Variants in CHAF1B observed in about 807,000 individuals in gnomAD.
CHAF1B encodes chromatin assembly factor 1 subunit B, also known as CAF-1 subunit B.
In CHAF1B, 10 loss-of-function variants were observed where a neutral mutation model predicts 60.7. The ratio of observed to expected loss-of-function variants is 0.16; its 90% CI spans 0.10 to 0.28. The LOEUF (loss-of-function observed/expected upper bound fraction) is 0.28. CHAF1B is among the 10% of genes least tolerant of loss of function. CHAF1B has a pLI of 1.00. For missense variants in CHAF1B, 558 were observed against 708.4 expected, an observed-to-expected ratio of 0.79 and a Z score of 2.41; for synonymous variants, 261 against 266.1, an observed-to-expected ratio of 0.98 and a Z score of 0.19.
At chr21:36,407,716 G>C (rs995365341) in intron 8 of CHAF1B, among the ~76,000 whole-genome samples, 7 of 152,210 alleles carry the variant, frequency 4.6e-5, no homozygotes, top group Admixed American at 6.5e-5. Flanking sequence ...AGTGACTCAC[G>C]CCTGTAATCC....
At chr21:36,408,068 A>T (rs1270775694) in intron 8 of CHAF1B, among the ~76,000 whole-genome samples, 1 of 152,216 alleles carries the variant, frequency 6.6e-6, no homozygotes, top group East Asian at 1.9e-4. Flanking sequence ...TCCCTGGTGG[A>T]TATGAAACAG....
At chr21:36,407,004 A>G (rs1022311615) in intron 8 of CHAF1B, among the ~76,000 whole-genome samples, 2 of 152,194 alleles carry the variant, frequency 1.3e-5, no homozygotes, top group Non-Finnish European at 2.9e-5. Flanking sequence ...AGAAGACCCA[A>G]TTAAGACTGG....
intron 3 of CHAF1B, chr21:36,388,783 C>G (rs1286425604): frequency 6.6e-6 from 1 of 152,088 alleles, no homozygotes; most frequent in Non-Finnish European, 1.5e-5. Context: ...GGCATGAATT[C>G]TAAACTGGGA....
At chr21:36,389,800 T>TGTGTGTGCGCGCGCGCGCGCGCGCGCGC in intron 3 of CHAF1B, among the ~76,000 whole-genome samples, 4 of 124,746 alleles carry the variant, frequency 3.2e-5, no homozygotes, top group African/African-American at 1.4e-4. Flanking sequence ...TGTGTGTGTG[T>TGTGTGTGCGCGCGCGCGCGCGCGCGCGC]GCGCGCGCAC....
chr21:36,387,873 C>A, intron 3 of CHAF1B, 143 bp downstream of exon 3: 1 of 1,048,360 alleles, frequency 9.5e-7, no homozygotes, highest in East Asian at 2.4e-5. Flanking sequence ...GGCTGGAGTG[C>A]AGTGGTGCAA....
Position 36,387,979 on chromosome 21 carries a change from C to T in CHAF1B, c.259+249C>T, listed in dbSNP as rs565998800. On this transcript the variant is annotated intron_variant, in intron 3 of 13. Transcript: ENST00000314103. ...GATTACAGGCGCCTGCCACCACGCCCGGCTAGTTTTTTTGTGTGTTTTTAG... is the reference window on the plus strand; with the variant it reads ...GATTACAGGCGCCTGCCACCACGCCTGGCTAGTTTTTTTGTGTGTTTTTAG... Among the ~76,000 whole-genome samples, 220 of 152,130 alleles carry T rather than the reference C, an allele frequency of 1.4e-3. 2 individuals are homozygous for T. The highest frequency in any genetic ancestry group is 5.0e-3 in the African/African-American group (209 of 41,518).
chr21:36,406,734 T>C (rs754966448), intron 8 of CHAF1B, among the ~76,000 whole-genome samples: 2 of 152,220 alleles, frequency 1.3e-5, no homozygotes, highest in African/African-American at 2.4e-5. Flanking sequence ...TTGAACGCTT[T>C]ATATCTCTTA....
chr21:36,403,456 A>T (rs1273884527), intron 8 of CHAF1B, among the ~76,000 whole-genome samples: 2 of 54,720 alleles, frequency 3.7e-5, no homozygotes, highest in Admixed American at 1.4e-4. Flanking sequence ...TATCTTATCT[A>T]AAAAAAAAAA....
chr21:36,415,532 C>G lies in CHAF1B; in HGVS notation c.1588+143C>G, dbSNP rs751436532. ...TATTGGAACCATTGTTTAAACCCGC[C>G]GGCTGCCTGTTTACGCCTCAGCAGG... On this transcript the variant is annotated intron_variant, in intron 13 of 13. Coordinates refer to ENST00000314103, the MANE Select transcript of CHAF1B (RefSeq NM_005441.3). 1.1e-4 allele frequency: 71 copies of G among 644,414 alleles called. No individual in the cohort carries two copies. The Middle Eastern group carries it at 1.7e-3, about 15-fold the overall frequency. The allele number at this position is 644,414 out of a possible 1,614,324, so 39.9% of individuals were successfully genotyped here. A position where few individuals can be genotyped will look rare whatever the true frequency, so the allele number is the denominator to read the frequency against.
intron 1 of CHAF1B, 51 bp from the exon 2 acceptor site, chr21:36,386,009 C>G (rs1168289079): frequency 8.8e-7 from 1 of 1,130,994 alleles, no homozygotes; most frequent in Non-Finnish European, 1.3e-6. Flanking sequence ...CCCTATTCAG[C>G]GCTCAATAAC....
intron 13 of CHAF1B, chr21:36,415,989 A>G (rs2086316251): frequency 2.9e-6 from 1 of 342,098 alleles, no homozygotes; most frequent in South Asian, 2.8e-5. Flanking sequence ...CCTGGCCTCA[A>G]ATGATCCACC....
In CHAF1B at chr21:36,413,042, G is replaced by A. The variant is rs770607149; in HGVS notation, c.1220G>A (p.Arg407Gln). 14 of 1,614,006 alleles carry A rather than the reference G, an allele frequency of 8.7e-6. No individual in the cohort carries two copies. Among genetic ancestry groups the A allele is most frequent in the East Asian group, 6.7e-5 (3 of 44,904 alleles). ...AAGAAAACCAAGAGTCAGACACATCGAGGGTCTTCGCCAGGACCCAGACCG... is the reference window on the plus strand; with the variant it reads ...AAGAAAACCAAGAGTCAGACACATCAAGGGTCTTCGCCAGGACCCAGACCG... ...TAKKTKSQTHRGSSPGPRPVE... is the reference protein window; with the variant it reads ...TAKKTKSQTHQGSSPGPRPVE... Residue 407 changes from arginine to glutamine, a missense_variant, in exon 12 of 14, where the codon CGA becomes CAA. Transcript: ENST00000314103.
chr21:36,412,801 T>C, intron 11 of CHAF1B, 83 bp from the exon 12 acceptor site: 1 of 1,348,670 alleles, frequency 7.4e-7, no homozygotes, highest in Admixed American at 2.3e-5. Flanking sequence ...AACAAGCTTG[T>C]GATTTTGCTC....
chr21:36,399,326 G>T (rs893161236), intron 6 of CHAF1B, among the ~76,000 whole-genome samples, 195 bp from the exon 7 acceptor site: 5 of 152,068 alleles, frequency 3.3e-5, no homozygotes, highest in African/African-American at 1.2e-4. Context: ...GTGAGCTACC[G>T]CGCCCGGCCT....
intron 2 of CHAF1B, 90 bp downstream of exon 2, chr21:36,386,352 GT>G: frequency 6.6e-7 from 1 of 1,512,062 alleles, no homozygotes; most frequent in African/African-American, 1.4e-5. Flanking sequence ...GCTGGGCGCG[GT>G]GGCTTACGCC....
chr21:36,392,180 G>A (rs531309888), intron 4 of CHAF1B, among the ~76,000 whole-genome samples: 46 of 151,978 alleles, frequency 3.0e-4, no homozygotes, highest in Middle Eastern at 3.4e-3. Flanking sequence ...ATCTTGTACC[G>A]TCCTTAATCC....
rs1459435571 is a variant in CHAF1B, at chr21:36,408,754, TC to T, written c.758-3del. On this transcript the variant is annotated splice_region_variant and splice_polypyrimidine_tract_variant and intron_variant, in intron 8 of 13. Transcript: ENST00000314103. ...TCTTTCCTCTCCCTCCCTTCCCTGT[TC>T]CCCAGCTGGATGTGTGGAATCTGGT... is the stretch of plus-strand genomic sequence containing the variant. 5.6e-6 allele frequency: 9 copies of T among 1,600,096 alleles called. 1 individual carries two copies. The Admixed American group carries it at 1.0e-4, about 18-fold the overall frequency.
At chr21:36,386,340 C>G in intron 2 of CHAF1B, 78 bp downstream of exon 2, 9 of 1,544,734 alleles carry the variant, frequency 5.8e-6, no homozygotes, top group South Asian at 1.2e-5. Context: ...AAACCAGTGT[C>G]GGCTGGGCGC....
chr21:36,391,436 C>A (rs2086085757), intron 3 of CHAF1B, 115 bp from the exon 4 acceptor site: 7 of 569,038 alleles, frequency 1.2e-5, no homozygotes, highest in Non-Finnish European at 2.1e-5. Context: ...TGCACTCCAG[C>A]CTGGGCGACA....
Sources: gnomAD v4.1 joint callset for allele counts (sites outside exome capture counted in the v4.1 genomes callset) on GRCh38, gnomAD v4.1.1 for gene constraint, MANE v1.5 for transcripts, NCBI Gene and HGNC (gene_info 2026-07-23, HGNC 2026-07-21) for gene names.